UBR3: variants seen among roughly 807,000 people sequenced by gnomAD.
The protein encoded by UBR3 is ubiquitin protein ligase E3 component n-recognin 3.
In UBR3, 85 loss-of-function variants were observed where a neutral mutation model predicts 243.2. That is an observed-to-expected ratio of 0.35 (90% CI 0.29 to 0.42). UBR3 has a LOEUF of 0.42. Among genes scored for constraint, UBR3 ranks in the 10% least tolerant of loss-of-function variants. The pLI is 1.00. For synonymous variants in UBR3, 748 were observed against 799.8 expected (o/e 0.94, Z 1.09); for missense variants, 1,686 against 2,300.8 (o/e 0.73, Z 5.47).
chr2:169,884,216 C>A (rs1316064768), intron 5 of UBR3, among the ~76,000 whole-genome samples: 1 of 144,408 alleles, frequency 6.9e-6, no homozygotes, highest in African/African-American at 2.6e-5. Context: ...AGTACAGTGG[C>A]GTGATCTTGG....
At chr2:169,861,411 C>G (rs988833437) in intron 1 of UBR3, among the ~76,000 whole-genome samples, 54 of 152,026 alleles carry the variant, frequency 3.6e-4, no homozygotes, top group African/African-American at 1.3e-3. Flanking sequence ...AGTTTGAGAC[C>G]AGCCTGGCCA....
At chr2:169,934,706 C>T (rs770936177) in intron 19 of UBR3, among the ~76,000 whole-genome samples, 5 of 152,302 alleles carry the variant, frequency 3.3e-5, no homozygotes, top group Admixed American at 1.3e-4. Flanking sequence ...TTTGTGTTCT[C>T]ACAATTTAGC....
intron 24 of UBR3, among the ~76,000 whole-genome samples, chr2:169,977,704 G>C (rs1204087258): frequency 2.0e-5 from 3 of 152,118 alleles, no homozygotes; most frequent in African/African-American, 7.2e-5. Flanking sequence ...AATGATGGCA[G>C]ATGTTCCTCT....
intron 35 of UBR3, 147 bp downstream of exon 35, chr2:170,061,590 C>T (rs2091458476): frequency 2.1e-6 from 2 of 940,970 alleles, no homozygotes; most frequent in Non-Finnish European, 1.6e-6. Flanking sequence ...CCCTCAGCCC[C>T]TCTAGTAACT....
Position 170,081,951 on chromosome 2 carries a change from AAG to A in UBR3, c.*110_*111del, listed in dbSNP as rs2091915153. 1.6e-5 allele frequency: 12 copies of A among 760,370 alleles called. No homozygotes were observed. The South Asian group carries it at 3.8e-4, about 24-fold the overall frequency. 47.1% of individuals were successfully genotyped at this position (760,370 alleles called of 1,614,324 possible). ...ATTAACACTTTTGCTGAGGGAGAAA[AAG>A]AAAACATACATTATGAAGCCTTTCC... On this transcript the variant is annotated 3_prime_UTR_variant, in exon 39 of 39. Transcript: ENST00000272793.
Position 170,073,514 on chromosome 2 carries a change from C to T in UBR3, c.5106C>T (p.Ser1702=). The T allele has an allele frequency of 1.2e-6, 2 of 1,613,802 alleles. No homozygotes were observed. The highest frequency in any genetic ancestry group is 1.7e-6 in the Non-Finnish European group (2 of 1,179,764). The part of the protein sequence containing the change: ...YQTEHPFISA[S]CLDWPVPAFD... ...CAGAACATCCATTCATCAGTGCCTC[C>T]TGTCTGGATTGGCCAGTTCCAGCAT... is the stretch of plus-strand genomic sequence containing the variant. Residue 1702 remains serine (S), a synonymous_variant, in exon 36 of 39, where the codon TCC becomes TCT. Coordinates refer to ENST00000272793, the MANE Select transcript of UBR3 (RefSeq NM_172070.4).
intron 24 of UBR3, among the ~76,000 whole-genome samples, chr2:169,972,714 A>G (rs568776294): frequency 6.6e-6 from 1 of 151,918 alleles, no homozygotes; most frequent in South Asian, 2.1e-4. Flanking sequence ...AAATTCAACA[A>G]CCCTTCATGC....
At chr2:170,038,183 C>T (rs757719363) in intron 31 of UBR3, among the ~76,000 whole-genome samples, 1 of 152,090 alleles carries the variant, frequency 6.6e-6, no homozygotes, top group Admixed American at 6.6e-5. Flanking sequence ...TGTAGGTTAT[C>T]ATGCAAGAAG....
In UBR3 at chr2:169,937,545, C is replaced by T. The variant is rs1253515969; in HGVS notation, c.2663+4537C>T. On this transcript the variant is annotated intron_variant, in intron 19 of 38. Coordinates refer to ENST00000272793, the MANE Select transcript of UBR3 (RefSeq NM_172070.4). ...CATTTGTCAATTTTGGCTTTTGTTG[C>T]CATTGCTTTTGGTGTTTTAGACATG... 3.3e-5 allele frequency among the ~76,000 whole-genome samples: 5 copies of T among 152,148 alleles called. No individual in the cohort carries two copies. In the East Asian group the frequency reaches 9.6e-4, roughly 29 times the overall value.
At chr2:170,056,161 C>T (rs2091331481) in intron 33 of UBR3, among the ~76,000 whole-genome samples, 1 of 151,898 alleles carries the variant, frequency 6.6e-6, no homozygotes, top group Non-Finnish European at 1.5e-5. Flanking sequence ...GCGCCTGCCA[C>T]CATGCCCAGC....
At chr2:169,908,061 A>G (rs193273172) in intron 10 of UBR3, among the ~76,000 whole-genome samples, 4 of 152,110 alleles carry the variant, frequency 2.6e-5, no homozygotes, top group African/African-American at 9.6e-5. Context: ...CTCTCCCTCC[A>G]TGCCTTTATT....
At chr2:169,961,874 G>GTTTTTT (rs34504571) in intron 24 of UBR3, among the ~76,000 whole-genome samples, 3 of 136,834 alleles carry the variant, frequency 2.2e-5, no homozygotes, top group Admixed American at 7.5e-5. Context: ...TTTTTCCCAT[G>GTTTTTT]TTTTTTTTTT....
At chr2:169,840,376 G>A (rs73022462) in intron 1 of UBR3, among the ~76,000 whole-genome samples, 11,937 of 152,218 alleles carry the variant, frequency 0.078, 518 homozygotes, top group Non-Finnish European at 0.096. Context: ...CTAAAGTGGC[G>A]GTATCTGACC....
At chr2:170,040,717 T>C (rs942029354) in intron 31 of UBR3, among the ~76,000 whole-genome samples, 165 bp from the exon 32 acceptor site, 5 of 152,288 alleles carry the variant, frequency 3.3e-5, no homozygotes, top group Non-Finnish European at 7.4e-5. Context: ...GAGTCTAAAA[T>C]GTAATTTTTT....
At chr2:169,849,003 A>G (rs577619854) in intron 1 of UBR3, among the ~76,000 whole-genome samples, 23 of 152,256 alleles carry the variant, frequency 1.5e-4, no homozygotes, top group African/African-American at 5.5e-4. Flanking sequence ...TAATAAGCAA[A>G]TTGCAATGGG....
At chr2:170,046,431 C>T (rs2091089769) in intron 32 of UBR3, among the ~76,000 whole-genome samples, 1 of 152,080 alleles carries the variant, frequency 6.6e-6, no homozygotes, top group Admixed American at 6.6e-5. Flanking sequence ...CCCTTTAGAA[C>T]TTACCATAGT....
At chr2:169,902,454 C>T (rs926852090) in intron 8 of UBR3, among the ~76,000 whole-genome samples, 2 of 152,134 alleles carry the variant, frequency 1.3e-5, no homozygotes, top group African/African-American at 4.8e-5. Flanking sequence ...TACCATGCAT[C>T]CTCTGTATTC....
At chr2:169,965,082 A>G in intron 24 of UBR3, 1 of 391,190 alleles carries the variant, frequency 2.6e-6, no homozygotes, top group South Asian at 2.0e-5. Context: ...GTCTCTTTCC[A>G]GAGATATCTG....
At chr2:170,003,677 T>G (rs2089797071) in intron 27 of UBR3, among the ~76,000 whole-genome samples, 1 of 151,692 alleles carries the variant, frequency 6.6e-6, no homozygotes, top group Non-Finnish European at 1.5e-5. Flanking sequence ...AGTCTCACTC[T>G]GTGCCCAGGC....
Sources: gnomAD v4.1 joint callset for allele counts (sites outside exome capture counted in the v4.1 genomes callset) on GRCh38, gnomAD v4.1.1 for gene constraint, MANE v1.5 for transcripts, NCBI Gene and HGNC (gene_info 2026-07-23, HGNC 2026-07-21) for gene names.